Variants in KDM4C observed in about 807,000 individuals in gnomAD.
KDM4C encodes lysine demethylase 4C, also known as lysine-specific demethylase 4C.
A neutral mutation model predicts 129.3 loss-of-function variants in KDM4C; 81 were observed. The ratio of observed to expected loss-of-function variants is 0.63; its 90% CI spans 0.52 to 0.75. The LOEUF (loss-of-function observed/expected upper bound fraction) is 0.75, where lower values mean the gene tolerates loss of function less well. Among genes scored for constraint, KDM4C ranks in the 30% least tolerant of loss-of-function variants. KDM4C has a pLI of 0.00. For synonymous variants in KDM4C, 573 were observed against 456.1 expected, an observed-to-expected ratio of 1.26 and a Z score of -3.26; for missense variants, 1,457 against 1,304.0, an observed-to-expected ratio of 1.12 and a Z score of -1.81.
intron 18 of KDM4C, among the ~76,000 whole-genome samples, chr9:7,111,253 T>C (rs1838288531): frequency 6.6e-6 from 1 of 152,092 alleles, no homozygotes; most frequent in Admixed American, 6.5e-5. Context: ...AGCATCCAAA[T>C]CCAAAATGCT....
chr9:6,980,151 C>T lies in KDM4C; in HGVS notation c.922-774C>T, dbSNP rs564579127. On this transcript the variant is annotated intron_variant, in intron 8 of 21. Coordinates refer to ENST00000381309, the MANE Select transcript of KDM4C (RefSeq NM_015061.6). The stretch of plus-strand genomic sequence containing the variant: ...TTAAATCTTGGAGATTATTTATGCA[C>T]CACCATTTGAATGATAACTTCCCTG... 1.1e-4 allele frequency among the ~76,000 whole-genome samples: 17 copies of T among 152,264 alleles called. No homozygotes were observed. In the East Asian group the frequency reaches 3.1e-3, roughly 28 times the overall value.
intron 19 of KDM4C, among the ~76,000 whole-genome samples, chr9:7,132,275 A>C (rs1429497404): frequency 6.6e-6 from 1 of 152,206 alleles, no homozygotes; most frequent in African/African-American, 2.4e-5. Context: ...ATCATTTCAT[A>C]AACCCAACAG....
chr9:6,906,515 T>G (rs1187704450), intron 8 of KDM4C, among the ~76,000 whole-genome samples: 1 of 152,204 alleles, frequency 6.6e-6, no homozygotes, highest in Admixed American at 6.5e-5. Flanking sequence ...GCCTCCCACC[T>G]CAGCCTCCCT....
intron 15 of KDM4C, among the ~76,000 whole-genome samples, chr9:7,023,923 A>G (rs1047728967): frequency 6.6e-6 from 1 of 152,174 alleles, no homozygotes; most frequent in Non-Finnish European, 1.5e-5. Context: ...TTTCATTTCC[A>G]TGTGTTTGTA....
At chr9:6,884,832 T>C (rs993929696) in intron 6 of KDM4C, among the ~76,000 whole-genome samples, 26 of 152,222 alleles carry the variant, frequency 1.7e-4, no homozygotes, top group African/African-American at 5.8e-4. Flanking sequence ...TCATAAAAGA[T>C]TGGGATTTAA....
Position 6,789,521 on chromosome 9 carries a change from C to T in KDM4C, c.-17-3451C>T, listed in dbSNP as rs562432341. Among the ~76,000 whole-genome samples the T allele has an allele frequency of 7.9e-5, 12 of 151,888 alleles. No individual in the cohort carries two copies. In the South Asian group the frequency reaches 1.5e-3, roughly 18 times the overall value. On this transcript the variant is annotated intron_variant, in intron 1 of 21. Transcript: ENST00000381309. ...AGGCGTGAGCCACTGTGCCCGGCCA[C>T]GCCCAGCAAATTTTTATATTTTTTT...
At chr9:6,915,513 A>G (rs907541347) in intron 8 of KDM4C, among the ~76,000 whole-genome samples, 8 of 152,228 alleles carry the variant, frequency 5.3e-5, no homozygotes, top group Admixed American at 6.5e-5. Flanking sequence ...TCTAGTCATT[A>G]AGAAGTCATT....
intron 8 of KDM4C, among the ~76,000 whole-genome samples, chr9:6,895,587 C>A (rs923631021): frequency 6.6e-6 from 1 of 152,016 alleles, no homozygotes; most frequent in African/African-American, 2.4e-5. Flanking sequence ...CAGGGGGTAC[C>A]AATTTATCAT....
intron 1 of KDM4C, among the ~76,000 whole-genome samples, chr9:6,785,783 G>A (rs76656308): frequency 0.015 from 2,279 of 152,338 alleles, 21 homozygotes; most frequent in Non-Finnish European, 0.023. Flanking sequence ...GTTTCAGCGT[G>A]TCTTTTGGGG....
At chr9:6,951,561 G>A (rs1828146354) in intron 8 of KDM4C, among the ~76,000 whole-genome samples, 1 of 152,098 alleles carries the variant, frequency 6.6e-6, no homozygotes, top group Non-Finnish European at 1.5e-5. Context: ...TTTATGGTGG[G>A]GGCTATTGAG....
At chr9:6,730,880 T>C (rs2996064) in intron 1 of KDM4C, among the ~76,000 whole-genome samples, 30,942 of 152,176 alleles carry the variant, frequency 0.2, 3,367 homozygotes, top group Non-Finnish European at 0.25. Flanking sequence ...GCTGCTGGGA[T>C]GGGCCAAGAC....
At chr9:6,749,397 A>C (rs558856374) in intron 1 of KDM4C, among the ~76,000 whole-genome samples, 7 of 152,298 alleles carry the variant, frequency 4.6e-5, no homozygotes, top group Non-Finnish European at 7.4e-5. Flanking sequence ...CAGCCAACAA[A>C]ATAGGACTAC....
intron 1 of KDM4C, among the ~76,000 whole-genome samples, chr9:6,751,346 T>A (rs1818057327): frequency 6.6e-6 from 1 of 152,114 alleles, no homozygotes; most frequent in Non-Finnish European, 1.5e-5. Context: ...CTAGGGAGGC[T>A]GAGGTGGGAG....
At chr9:6,785,696 G>A (rs1425162726) in intron 1 of KDM4C, among the ~76,000 whole-genome samples, 1 of 152,192 alleles carries the variant, frequency 6.6e-6, no homozygotes, top group East Asian at 1.9e-4. Context: ...AATCAAATAT[G>A]ACCTCATGTT....
At chr9:7,062,085 A>T (rs1265969400) in intron 17 of KDM4C, among the ~76,000 whole-genome samples, 1 of 152,008 alleles carries the variant, frequency 6.6e-6, no homozygotes, top group Non-Finnish European at 1.5e-5. Flanking sequence ...CTCCTACCTC[A>T]GCGTCCCAAG....
At chr9:6,966,562 ATC>A (rs1238531299) in intron 8 of KDM4C, among the ~76,000 whole-genome samples, 9 of 152,230 alleles carry the variant, frequency 5.9e-5, no homozygotes, top group African/African-American at 9.6e-5. Context: ...AAGTAAAAAT[ATC>A]TCTGTTTGTA....
chr9:6,800,020 C>T (rs968379398), intron 2 of KDM4C, among the ~76,000 whole-genome samples: 7 of 150,152 alleles, frequency 4.7e-5, no homozygotes, highest in Non-Finnish European at 8.9e-5. Context: ...CCCATGAGTT[C>T]GAGACCAGCC....
chr9:7,033,874 G>T (rs1827193194), intron 15 of KDM4C, among the ~76,000 whole-genome samples: 1 of 152,150 alleles, frequency 6.6e-6, no homozygotes, highest in South Asian at 2.1e-4. Context: ...TTGCCTGGAG[G>T]TCACTGGGCT....
intron 15 of KDM4C, among the ~76,000 whole-genome samples, chr9:7,021,389 C>T (rs1216692165): frequency 6.6e-6 from 1 of 152,096 alleles, no homozygotes; most frequent in Non-Finnish European, 1.5e-5. Context: ...AGGTGATCTG[C>T]CTTCGTCGGC....
Sources: allele counts gnomAD v4.1 joint callset (sites outside exome capture counted in the v4.1 genomes callset), GRCh38; gene constraint gnomAD v4.1.1; transcripts MANE v1.5; gene names NCBI Gene and HGNC (gene_info 2026-07-23, HGNC 2026-07-21).